The following SSC5D variants were observed in gnomAD, a reference collection of about 807,000 sequenced individuals.
SSC5D encodes the protein scavenger receptor cysteine rich family member with 5 domains, also known as soluble scavenger receptor cysteine-rich domain-containing protein SSC5D.
SSC5D carries 106 observed loss-of-function variants against 104.6 expected under a neutral mutation model. The observed-to-expected ratio is 1.01, with a 90% confidence interval of 0.87 to 1.19. SSC5D has a LOEUF of 1.19. SSC5D is among the 50% of genes most tolerant of loss of function. SSC5D has a pLI of 0.00. For synonymous variants in SSC5D, 860 were observed against 883.5 expected, an observed-to-expected ratio of 0.97 and a Z score of 0.47; for missense variants, 1,993 against 2,153.8, an observed-to-expected ratio of 0.93 and a Z score of 1.48.
In SSC5D at chr19:55,517,769, AC is replaced by A. The variant is rs1987906932; in HGVS notation, c.3494del (p.Thr1165LysfsTer7). ...TCCCACCATGGCCCCTGACCCCATC[AC>A]AACCCTTAACCCTACTGTGACCCCT... ...PDPTMAPDPITTLNPTVTPHF... is the reference protein window; with the variant it reads ...PDPTMAPDPIXTLNPTVTPHF... On this transcript the variant is annotated frameshift_variant, in exon 14 of 14. Transcript: ENST00000389623. LOFTEE classifies it low-confidence loss of function (END_TRUNC). The A allele has an allele frequency of 6.6e-7, 1 of 1,515,550 alleles. No individual in the cohort carries two copies. Among genetic ancestry groups the A allele is most frequent in the African/African-American group, 1.6e-5 (1 of 61,550 alleles). 93.9% of individuals were successfully genotyped at this position (1,515,550 alleles called of 1,614,324 possible).
Position 55,488,978 on chromosome 19 carries a change from C to G in SSC5D, c.26-28C>G, listed in dbSNP as rs1178035685. 1.2e-5 allele frequency: 15 copies of G among 1,206,840 alleles called. No homozygotes were observed. In the South Asian group the frequency reaches 2.3e-4, roughly 19 times the overall value. 74.8% of individuals were successfully genotyped at this position (1,206,840 alleles called of 1,614,324 possible). On this transcript the variant is annotated intron_variant, in intron 1 of 13. Coordinates refer to ENST00000389623, the MANE Select transcript of SSC5D (RefSeq NM_001144950.2). The stretch of plus-strand genomic sequence containing the variant: ...GGCCACCCCCGGCCTGCCCCTCACA[C>G]TGCCCCACCCTCCGCCCTCCCTTCC...
At chr19:55,505,776 G>A (rs903464712) in intron 12 of SSC5D, among the ~76,000 whole-genome samples, 4 of 151,638 alleles carry the variant, frequency 2.6e-5, no homozygotes, top group East Asian at 1.9e-4. Context: ...TCACTCTGTC[G>A]CCCAGGCTGG....
At position 55,517,331 on chromosome 19, in the gene SSC5D, G is replaced by A; in HGVS notation, c.3055G>A (p.Gly1019Ser). 3.9e-6 allele frequency: 6 copies of A among 1,550,034 alleles called. No homozygotes were observed. Among genetic ancestry groups the A allele is most frequent in the Non-Finnish European group, 5.2e-6 (6 of 1,146,874 alleles). ...PGPSASPGPPGPALTSDSSRE... is the reference protein window; with the variant it reads ...PGPSASPGPPSPALTSDSSRE... ...TCCCTCCGCCTCTCCGGGACCCCCA[G>A]GCCCAGCGCTGACCTCTGACTCCAG... The change falls in exon 14 of 14, where the codon GGC (glycine) becomes AGC (serine). Residue 1019 changes from glycine to serine, a missense_variant. Gly to Ser is a moderately conservative substitution (Grantham distance 56). Transcript: ENST00000389623.
rs562533274 is a variant in SSC5D, at chr19:55,491,079, C to T, written c.894C>T (p.Thr298=). The change falls in exon 6 of 14, where the codon ACC becomes ACT. Residue 298 remains threonine, a splice_region_variant and synonymous_variant. Coordinates refer to ENST00000389623, the MANE Select transcript of SSC5D (RefSeq NM_001144950.2). ...GCGAGGATGCGGGGCTGGTCTGCAC[C>T]GGTACGTCGGGCTGGGGCCTGGCCC... ...DHSEDAGLVC[T]GPAPRLRLAD... 5.5e-5 allele frequency: 85 copies of T among 1,547,808 alleles called. 1 individual carries two copies. The highest frequency in any genetic ancestry group is 1.9e-4 in the South Asian group (16 of 83,882).
In SSC5D at chr19:55,517,702, C is replaced by T. The variant is rs1187453503; in HGVS notation, c.3426C>T (p.Ser1142=). The change falls in exon 14 of 14, where the codon TCC becomes TCT. Residue 1142 remains serine (S), a synonymous_variant. Transcript: ENST00000389623. ...YSSTVSEYSR[S]PDPSPSPHPT... is the part of the protein sequence containing the mutation. ...GTACAGTCTCAGAATATTCTAGATC[C>T]CCAGACCCCTCCCCAAGCCCTCACC... is the stretch of plus-strand genomic sequence containing the variant. 2.3e-5 allele frequency: 36 copies of T among 1,551,236 alleles called. No homozygotes were observed. The East Asian group carries it at 7.8e-4, about 34-fold the overall frequency.
intron 2 of SSC5D, 28 bp downstream of exon 2, chr19:55,489,060 C>T: frequency 8.4e-6 from 7 of 836,060 alleles, no homozygotes; most frequent in Non-Finnish European, 1.1e-5. Context: ...TCCCATCTGC[C>T]CGCCCCCCCC....
chr19:55,500,836 T>C lies in SSC5D; in HGVS notation c.2617+32T>C. The C allele has an allele frequency of 6.5e-7, 1 of 1,528,178 alleles. No individual in the cohort carries two copies. Among genetic ancestry groups the C allele is most frequent in the South Asian group, 1.2e-5 (1 of 81,546 alleles). The allele number at this position is 1,528,178 out of a possible 1,614,324, so 94.7% of individuals were successfully genotyped here. ...GGGCATGGCGGCGGTGGTGGGGTTGTCGGGGGTGGCCAGGAGAATGGAGTC... is the reference window on the plus strand; with the variant it reads ...GGGCATGGCGGCGGTGGTGGGGTTGCCGGGGGTGGCCAGGAGAATGGAGTC... On this transcript the variant is annotated intron_variant, in intron 11 of 13. Transcript: ENST00000389623. The surrounding 1 kb of genome is among the most constrained non-coding windows in gnomAD (Gnocchi z 4.6).
intron 2 of SSC5D, 51 bp downstream of exon 2, chr19:55,489,083 C>G (rs1172312650): frequency 1.3e-5 from 14 of 1,052,672 alleles, no homozygotes; most frequent in Admixed American, 3.5e-5. Flanking sequence ...CAGGCCTCCC[C>G]CTTCTGCCCA....
At chr19:55,493,994 G>GGGGGGGGGGGGGA in intron 7 of SSC5D, 82 bp downstream of exon 7, 1 of 143,314 alleles carries the variant, frequency 7.0e-6, no homozygotes, top group Non-Finnish European at 1.4e-5. Context: ...GGGCGGGGGG[G>GGGGGGGGGGGGGA]TCCCTACGCG....
In SSC5D at chr19:55,518,624, G is replaced by T; in HGVS notation, c.4348G>T (p.Asp1450Tyr). 2 of 1,527,880 alleles carry T rather than the reference G, an allele frequency of 1.3e-6. No homozygotes were observed. Among genetic ancestry groups the T allele is most frequent in the Non-Finnish European group, 1.8e-6 (2 of 1,135,556 alleles). The allele number at this position is 1,527,880 out of a possible 1,614,324, so 94.6% of individuals were successfully genotyped here. ...CCTTTCCCCCACAGCCCACCCCTTG[G>T]ATCATCCTCCCCTTGACCCCCTCAC... is the stretch of plus-strand genomic sequence containing the variant. Reference protein sequence around the residue: ...PLLSPTAHPLDHPPLDPLTLG... With the variant: ...PLLSPTAHPLYHPPLDPLTLG... Residue 1450 changes from aspartate (D) to tyrosine (Y), a missense_variant, in exon 14 of 14, where the codon GAT becomes TAT. Asp to Tyr is a radical substitution (Grantham distance 160). Around this residue, in one of 6 missense-constraint regions of SSC5D, gnomAD observed 349 missense variants for 397.6 expected, o/e 0.88. Coordinates refer to ENST00000389623, the MANE Select transcript of SSC5D (RefSeq NM_001144950.2).
In SSC5D at chr19:55,499,885, G is replaced by T; in HGVS notation, c.1775G>T (p.Arg592Leu). Residue 592 changes from arginine (R) to leucine (L), a missense_variant, in exon 10 of 14, where the codon CGG becomes CTG. Arg to Leu is a moderately radical substitution (Grantham distance 102, BLOSUM62 -2). This residue lies in a region of SSC5D where 1,101 missense variants were observed against 1,085.0 expected (regional missense o/e 1.01). Transcript: ENST00000389623. ...WSWIPGLGRD[R>L]DAWLPGELAT... is the part of the protein sequence containing the mutation. ...TGGATTCCTGGACTGGGGAGAGATC[G>T]GGATGCCTGGCTCCCGGGAGAGCTG... 6.4e-7 allele frequency: 1 copy of T among 1,551,612 alleles called. No homozygotes were observed. Among genetic ancestry groups the T allele is most frequent in the Non-Finnish European group, 8.7e-7 (1 of 1,146,980 alleles).
intron 7 of SSC5D, 34 bp from the exon 8 acceptor site, chr19:55,494,576 T>G (rs554987150): frequency 6.8e-7 from 1 of 1,481,146 alleles, no homozygotes; most frequent in South Asian, 1.3e-5. Context: ...GGAGGGTGTG[T>G]GTGGGTGGCA....
At chr19:55,510,429 A>G (rs1987730248) in intron 12 of SSC5D, among the ~76,000 whole-genome samples, 1 of 152,162 alleles carries the variant, frequency 6.6e-6, no homozygotes, top group African/African-American at 2.4e-5. Context: ...GCTCACTGCA[A>G]CTTCCGCCTC....
At position 55,498,035 on chromosome 19, in the gene SSC5D, CA is replaced by C. The variant is rs1282818358; in HGVS notation, c.1544del (p.Gln515ArgfsTer18). 3 of 1,551,636 alleles carry C rather than the reference CA, an allele frequency of 1.9e-6. No individual in the cohort carries two copies. The African/African-American group carries it at 4.1e-5, about 21-fold the overall frequency. On this transcript the variant is annotated frameshift_variant, in exon 9 of 14. Transcript: ENST00000389623. LOFTEE classifies it high-confidence loss of function. ...GGAGCTGGGCTGTGGTGGACCTCAG[CA>C]GCCAGACCCTGCTGCTGGCCGCTTT... ...CRELGCGGPQ[Q>X]PDPAAGRFGW... is the part of the protein sequence containing the mutation.
intron 3 of SSC5D, 66 bp downstream of exon 3, chr19:55,489,728 C>A: frequency 6.6e-7 from 1 of 1,512,300 alleles, no homozygotes; most frequent in Non-Finnish European, 8.9e-7. Flanking sequence ...ACCCCAAGTC[C>A]TTAGCCCCAG....
At chr19:55,507,665 CAA>C (rs61340967) in intron 12 of SSC5D, among the ~76,000 whole-genome samples, 5 of 75,946 alleles carry the variant, frequency 6.6e-5, no homozygotes, top group South Asian at 5.7e-4. Context: ...GACTCCGTCT[CAA>C]AAAAAAAAAA....
intron 12 of SSC5D, among the ~76,000 whole-genome samples, chr19:55,506,954 C>T (rs933745608): frequency 6.6e-5 from 10 of 151,720 alleles, no homozygotes; most frequent in African/African-American, 2.4e-4. Flanking sequence ...ATCGCTTGAA[C>T]CCAGGAGTTC....
chr19:55,493,927 G>A lies in SSC5D; in HGVS notation c.1213+15G>A. The A allele has an allele frequency of 6.6e-7, 1 of 1,525,628 alleles. No individual in the cohort carries two copies. 94.5% of individuals were successfully genotyped at this position (1,525,628 alleles called of 1,614,324 possible). Reference sequence around the variant, plus strand: ...CGTGTGTGACGGTGAGGGGGTTGTGGTGGAGGACCGGGAGGTGGGCGTGGT... The same window carrying A: ...CGTGTGTGACGGTGAGGGGGTTGTGATGGAGGACCGGGAGGTGGGCGTGGT... On this transcript the variant is annotated intron_variant, in intron 7 of 13. Transcript: ENST00000389623.
intron 6 of SSC5D, 62 bp from the exon 7 acceptor site, chr19:55,493,533 A>T: frequency 7.4e-7 from 1 of 1,347,846 alleles, no homozygotes; most frequent in Non-Finnish European, 9.6e-7. Context: ...GCCTGAGCAT[A>T]GCTTAGTCCC....
Sources: allele counts gnomAD v4.1 joint callset (sites outside exome capture counted in the v4.1 genomes callset), GRCh38; gene constraint gnomAD v4.1.1; regional missense constraint gnomAD v4.1.1; non-coding constraint Gnocchi (gnomAD v3.1); transcripts MANE v1.5; gene names NCBI Gene and HGNC (gene_info 2026-07-23, HGNC 2026-07-21).